Variants in LTBP1 observed in about 807,000 individuals in gnomAD.
The protein encoded by LTBP1 is latent transforming growth factor beta binding protein 1.
In LTBP1, 129 loss-of-function variants were observed where a neutral mutation model predicts 207.6. The ratio of observed to expected loss-of-function variants is 0.62; its 90% CI spans 0.54 to 0.72. The LOEUF (loss-of-function observed/expected upper bound fraction) is 0.72. Ranked by LOEUF, LTBP1 falls within the 30% of genes least tolerant of loss-of-function variation. LTBP1 has a pLI of 0.00. For synonymous variants in LTBP1, 963 were observed against 833.7 expected (o/e 1.16, Z -2.67); for missense variants, 2,281 against 2,217.2 (o/e 1.03, Z -0.58).
At chr2:33,378,430 C>T (rs1045400768) in intron 31 of LTBP1, among the ~76,000 whole-genome samples, 2 of 152,048 alleles carry the variant, frequency 1.3e-5, no homozygotes, top group African/African-American at 2.4e-5. Flanking sequence ...TGGGGTTTCA[C>T]CATGTTGCCC....
At chr2:33,260,567 T>C (rs1304952640) in intron 13 of LTBP1, among the ~76,000 whole-genome samples, 1 of 152,182 alleles carries the variant, frequency 6.6e-6, no homozygotes, top group East Asian at 1.9e-4. Flanking sequence ...GTAACATATA[T>C]GTCATAACAT....
intron 2 of LTBP1, among the ~76,000 whole-genome samples, chr2:32,997,684 CA>C (rs1173263491): frequency 2.0e-5 from 3 of 152,108 alleles, no homozygotes; most frequent in Non-Finnish European, 4.4e-5. Flanking sequence ...GTTGAAGGGC[CA>C]GGACAACTCC....
chr2:33,231,272 C>T (rs74476966), intron 9 of LTBP1, among the ~76,000 whole-genome samples: 153 of 152,298 alleles, frequency 1.0e-3, no homozygotes, highest in African/African-American at 3.5e-3. Flanking sequence ...TTATTATACT[C>T]GTTCTGCTTT....
chr2:33,283,262 G>T (rs2148620070), intron 19 of LTBP1, among the ~76,000 whole-genome samples: 1 of 152,072 alleles, frequency 6.6e-6, no homozygotes. Flanking sequence ...TTGGTGGTCA[G>T]GATAGTCAAA....
intron 19 of LTBP1, among the ~76,000 whole-genome samples, chr2:33,290,461 T>G (rs1260184419): frequency 6.6e-6 from 1 of 152,208 alleles, no homozygotes; most frequent in Non-Finnish European, 1.5e-5. Flanking sequence ...CTGAAAGTCA[T>G]GGAAGGTTTT....
chr2:33,151,670 GT>G (rs752529549), intron 5 of LTBP1, among the ~76,000 whole-genome samples: 1 of 151,886 alleles, frequency 6.6e-6, no homozygotes, highest in Non-Finnish European at 1.5e-5. Flanking sequence ...ATGCCTTTGT[GT>G]CCTCATAGCT....
intron 7 of LTBP1, among the ~76,000 whole-genome samples, chr2:33,199,559 T>C (rs558027531): frequency 3.3e-5 from 5 of 152,152 alleles, no homozygotes; most frequent in Non-Finnish European, 7.4e-5. Context: ...CTTTGAAAAC[T>C]GGCACAAGAC....
At chr2:32,979,299 T>G (rs961114849) in intron 2 of LTBP1, among the ~76,000 whole-genome samples, 8 of 152,066 alleles carry the variant, frequency 5.3e-5, no homozygotes, top group African/African-American at 1.9e-4. Flanking sequence ...GTTGTTTATT[T>G]AAAGTTTTTC....
At position 33,149,130 on chromosome 2, in the gene LTBP1, G is replaced by A. The variant is rs189112448; in HGVS notation, c.1201+14170G>A. Among the ~76,000 whole-genome samples the A allele has an allele frequency of 3.6e-3, 545 of 151,598 alleles. 5 individuals carry two copies. Among genetic ancestry groups the A allele is most frequent in the African/African-American group, 0.012 (515 of 41,308 alleles). On this transcript the variant is annotated intron_variant, in intron 5 of 33. Transcript: ENST00000404816. ...CTCTGGAGGCTGAGGCAGGAGAATG[G>A]CGTGAACCCGGGAGGCGGAGCTTGC...
chr2:33,142,107 A>G (rs1456155689), intron 5 of LTBP1, among the ~76,000 whole-genome samples: 1 of 152,172 alleles, frequency 6.6e-6, no homozygotes, highest in East Asian at 1.9e-4. Flanking sequence ...GCTGGAGTGC[A>G]GTGGCGGGAT....
Position 33,361,496 on chromosome 2 carries a change from T to C in LTBP1, c.4251T>C (p.Ala1417=). ...CTGCTGGAGAATCATCTTCTGAAGC[T>C]GGTGGTGAGAACTATAAAGGTCAGA... ...FVPAGESSSE[A]GGENYKDADE... Residue 1417 remains alanine (A), a synonymous_variant, in exon 28 of 34, where the codon GCT becomes GCC. Coordinates refer to ENST00000404816, the MANE Select transcript of LTBP1 (RefSeq NM_206943.4). 6.2e-7 allele frequency: 1 copy of C among 1,613,264 alleles called. No homozygotes were observed. The highest frequency in any genetic ancestry group is 8.5e-7 in the Non-Finnish European group (1 of 1,179,550).
intron 3 of LTBP1, among the ~76,000 whole-genome samples, chr2:33,061,793 A>G (rs1388943280): frequency 2.0e-5 from 3 of 152,172 alleles, no homozygotes; most frequent in East Asian, 1.9e-4. Flanking sequence ...TCCTGTGGAC[A>G]TATGCTTTCA....
At chr2:33,138,430 G>A (rs546123428) in intron 5 of LTBP1, among the ~76,000 whole-genome samples, 6 of 151,600 alleles carry the variant, frequency 4.0e-5, no homozygotes, top group African/African-American at 1.5e-4. Flanking sequence ...TATGAAGCAG[G>A]TTTCTAATGA....
chr2:32,961,009 G>A (rs2148423814), intron 2 of LTBP1, among the ~76,000 whole-genome samples: 1 of 152,278 alleles, frequency 6.6e-6, no homozygotes, highest in African/African-American at 2.4e-5. Flanking sequence ...TAAAACACGA[G>A]TGCATGCAAG....
chr2:33,188,689 A>G lies in LTBP1; in HGVS notation c.1539A>G (p.Glu513=), dbSNP rs113602370. 6.1e-5 allele frequency: 98 copies of G among 1,614,180 alleles called. 7 individuals are homozygous for G. The African/African-American group carries it at 6.7e-4, about 11-fold the overall frequency. ...IDGPTGQKTK[E]AQPGQSQVSY... is the part of the protein sequence containing the mutation. The stretch of plus-strand genomic sequence containing the variant: ...GCCCAACAGGCCAGAAGACAAAAGA[A>G]GCTCAACCAGGCCAATCCCAAGTCT... The change falls in exon 7 of 34, where the codon GAA becomes GAG. Residue 513 remains glutamate, a synonymous_variant. Coordinates refer to ENST00000404816, the MANE Select transcript of LTBP1 (RefSeq NM_206943.4).
chr2:33,364,432 T>C (rs1225924620), intron 30 of LTBP1, 76 bp downstream of exon 30: 3 of 1,425,698 alleles, frequency 2.1e-6, no homozygotes, highest in African/African-American at 1.4e-5. Context: ...ATGTGAACTA[T>C]TGGAAAATAG....
At chr2:33,035,734 G>A (rs2075889066) in intron 3 of LTBP1, among the ~76,000 whole-genome samples, 2 of 152,110 alleles carry the variant, frequency 1.3e-5, no homozygotes, top group Admixed American at 1.3e-4. Flanking sequence ...ATAATTCTAC[G>A]TTCACGACTT....
chr2:33,272,913 C>G (rs1338100619), intron 15 of LTBP1, among the ~76,000 whole-genome samples: 1 of 152,058 alleles, frequency 6.6e-6, no homozygotes. Context: ...GACCCTCCCT[C>G]CACTGTAGTG....
intron 26 of LTBP1, among the ~76,000 whole-genome samples, chr2:33,355,035 C>G (rs922347925): frequency 4.6e-5 from 7 of 152,186 alleles, no homozygotes; most frequent in Admixed American, 3.9e-4. Context: ...CTAGAACTTG[C>G]TATAAACTAA....
Sources: allele counts gnomAD v4.1 joint callset (sites outside exome capture counted in the v4.1 genomes callset), GRCh38; gene constraint gnomAD v4.1.1; transcripts MANE v1.5; gene names NCBI Gene and HGNC (gene_info 2026-07-23, HGNC 2026-07-21).